DGKG: variants seen among roughly 807,000 people sequenced by gnomAD.
DGKG encodes diacylglycerol kinase gamma, also known as DAG kinase gamma.
Under a neutral mutation model 105.3 loss-of-function variants are expected in DGKG, and 78 were observed. The ratio of observed to expected loss-of-function variants is 0.74; its 90% CI spans 0.62 to 0.89. The LOEUF (loss-of-function observed/expected upper bound fraction) is 0.89, where lower values mean the gene tolerates loss of function less well. DGKG is among the 40% of genes least tolerant of loss of function. DGKG has a pLI of 0.00. For synonymous variants in DGKG, 346 were observed against 367.1 expected (o/e 0.94, Z 0.66); for missense variants, 958 against 1,020.1 (o/e 0.94, Z 0.83).
At chr3:186,259,380 CTG>C (rs1043656527) in intron 16 of DGKG, among the ~76,000 whole-genome samples, 1 of 152,222 alleles carries the variant, frequency 6.6e-6, no homozygotes, top group African/African-American at 2.4e-5. Flanking sequence ...ATCACGGTGA[CTG>C]TGATGGCAAC....
chr3:186,272,568 A>G (rs1169834203), intron 10 of DGKG, among the ~76,000 whole-genome samples: 2 of 152,186 alleles, frequency 1.3e-5, no homozygotes, highest in African/African-American at 4.8e-5. Context: ...CACCTGCTTC[A>G]CTGCCTTCCT....
intron 2 of DGKG, among the ~76,000 whole-genome samples, chr3:186,318,037 C>T (rs569078599): frequency 7.2e-5 from 11 of 152,300 alleles, no homozygotes; most frequent in Admixed American, 7.2e-4. Flanking sequence ...CAGTTTCCCA[C>T]GAATTAGCAT....
chr3:186,328,741 A>T (rs1008752059), intron 1 of DGKG, among the ~76,000 whole-genome samples: 13 of 151,398 alleles, frequency 8.6e-5, no homozygotes, highest in Non-Finnish European at 1.8e-4. Context: ...ACGCCCGGCT[A>T]ATTTTTGTAT....
At chr3:186,235,123 T>C (rs1720353237) in intron 20 of DGKG, among the ~76,000 whole-genome samples, 2 of 152,326 alleles carry the variant, frequency 1.3e-5, no homozygotes, top group Admixed American at 6.5e-5. Context: ...GGACAAAACA[T>C]TTTTGTGGCT....
chr3:186,299,843 T>TCTTTCTTTCTCTTTC (rs1424972244), intron 3 of DGKG, among the ~76,000 whole-genome samples: 1 of 130,170 alleles, frequency 7.7e-6, no homozygotes, highest in African/African-American at 2.8e-5. Flanking sequence ...CTTTCTTTTT[T>TCTTTCTTTCTCTTTC]TTTTTTTTTG....
intron 11 of DGKG, among the ~76,000 whole-genome samples, chr3:186,270,591 A>C (rs992356406): frequency 6.6e-6 from 1 of 152,242 alleles, no homozygotes; most frequent in Non-Finnish European, 1.5e-5. Context: ...CAGTTTGCCA[A>C]TTAATCTGTC....
intron 22 of DGKG, among the ~76,000 whole-genome samples, chr3:186,178,855 T>C (rs993559668): frequency 7.2e-5 from 11 of 152,236 alleles, no homozygotes; most frequent in Non-Finnish European, 1.5e-4. Flanking sequence ...ACGTTTGGAA[T>C]ACTAGGACTT....
At chr3:186,298,265 A>G (rs758592907) in intron 3 of DGKG, 36 bp from the exon 4 acceptor site, 23 of 1,542,666 alleles carry the variant, frequency 1.5e-5, no homozygotes, top group African/African-American at 2.8e-5. Context: ...CAGTGGAGAG[A>G]AGCAAAGGGA....
In DGKG at chr3:186,190,868, G is replaced by C. The variant is rs538829853; in HGVS notation, c.1918-2489C>G. Among the ~76,000 whole-genome samples, 52 of 152,252 alleles carry C rather than the reference G, an allele frequency of 3.4e-4. No individual in the cohort carries two copies. The South Asian group carries it at 1.0e-2, about 29-fold the overall frequency. On this transcript the variant is annotated intron_variant, in intron 21 of 24. Coordinates refer to ENST00000265022, the MANE Select transcript of DGKG (RefSeq NM_001346.3). ...AAAACAGTGACCGAGCACTCTCCTT[G>C]GTCAGTTTAACACCAAACATTATGC... is the stretch of plus-strand genomic sequence containing the variant.
At chr3:186,252,017 T>C (rs1346048822) in intron 18 of DGKG, 98 bp from the exon 19 acceptor site, 34 of 1,194,264 alleles carry the variant, frequency 2.8e-5, no homozygotes, top group Non-Finnish European at 3.8e-5. Flanking sequence ...AGGGCATCTG[T>C]GACTATGGGA....
intron 3 of DGKG, among the ~76,000 whole-genome samples, chr3:186,299,810 T>C (rs192423883): frequency 9.6e-4 from 98 of 102,202 alleles, no homozygotes; most frequent in African/African-American, 3.7e-3. Flanking sequence ...TCTTTCTTTC[T>C]TTCTTTCTTT....
intron 23 of DGKG, 90 bp downstream of exon 23, chr3:186,164,808 C>G (rs533835282): frequency 1.4e-6 from 2 of 1,465,924 alleles, no homozygotes; most frequent in East Asian, 4.6e-5. Flanking sequence ...TCTCCCTGCC[C>G]TAAAATCCAA....
At position 186,148,970 on chromosome 3, in the gene DGKG, T is replaced by TA. The variant is rs1420229156; in HGVS notation, c.*1119dup. The TA allele has an allele frequency of 2.8e-6, 2 of 722,430 alleles. No individual in the cohort carries two copies. Among genetic ancestry groups the TA allele is most frequent in the South Asian group, 1.2e-4 (2 of 16,120 alleles). 44.8% of individuals were successfully genotyped at this position (722,430 alleles called of 1,614,324 possible). ...CAGTAAATAAATATTTATATATATA[T>TA]ATATATAAATATATAGGCTAAATAT... On this transcript the variant is annotated 3_prime_UTR_variant, in exon 25 of 25. Coordinates refer to ENST00000265022, the MANE Select transcript of DGKG (RefSeq NM_001346.3).
intron 14 of DGKG, among the ~76,000 whole-genome samples, chr3:186,264,629 G>A (rs1721956830): frequency 6.6e-6 from 1 of 152,146 alleles, no homozygotes; most frequent in South Asian, 2.1e-4. Context: ...CTGGGAGGTG[G>A]GCAGGGCAGG....
At position 186,264,228 on chromosome 3, in the gene DGKG, A is replaced by T. The variant is rs148705879; in HGVS notation, c.1269+1019T>A. On this transcript the variant is annotated intron_variant, in intron 14 of 24. Coordinates refer to ENST00000265022, the MANE Select transcript of DGKG (RefSeq NM_001346.3). ...GTCTAGAGCTTTCTCACATATTAAG[A>T]TTCTCCCCTCATTCGGCCTTATGTT... Among the ~76,000 whole-genome samples the T allele has an allele frequency of 6.9e-4, 104 of 151,692 alleles. 1 individual carries two copies. The highest frequency in any genetic ancestry group is 2.4e-3 in the African/African-American group (100 of 41,368).
chr3:186,342,629 C>T (rs1380623353), intron 1 of DGKG, among the ~76,000 whole-genome samples: 1 of 151,922 alleles, frequency 6.6e-6, no homozygotes, highest in Non-Finnish European at 1.5e-5. Flanking sequence ...CAGAAAGACC[C>T]TGCTTGGTGA....
At chr3:186,153,911 C>T (rs955720106) in intron 24 of DGKG, among the ~76,000 whole-genome samples, 2 of 152,024 alleles carry the variant, frequency 1.3e-5, no homozygotes, top group Non-Finnish European at 2.9e-5. Context: ...TCAAGACCAG[C>T]CTGGGGAACA....
intron 24 of DGKG, among the ~76,000 whole-genome samples, chr3:186,151,460 CA>C (rs1180282470): frequency 6.6e-6 from 1 of 151,802 alleles, no homozygotes; most frequent in East Asian, 1.9e-4. Context: ...CTGATGGGAA[CA>C]AGGAGGAAAG....
At position 186,148,928 on chromosome 3, in the gene DGKG, A is replaced by G; in HGVS notation, c.*1162T>C. On this transcript the variant is annotated 3_prime_UTR_variant, in exon 25 of 25. Coordinates refer to ENST00000265022, the MANE Select transcript of DGKG (RefSeq NM_001346.3). ...CATACTACCTATGTTTTTTTTTTCC[A>G]ATGAGGAAAAGTCCATCAGTAAATA... 1.0e-6 allele frequency: 1 copy of G among 961,558 alleles called. No homozygotes were observed. Among genetic ancestry groups the G allele is most frequent in the Non-Finnish European group, 1.2e-6 (1 of 811,174 alleles). 59.6% of individuals were successfully genotyped at this position (961,558 alleles called of 1,614,324 possible).
Sources: allele counts gnomAD v4.1 joint callset (sites outside exome capture counted in the v4.1 genomes callset), GRCh38; gene constraint gnomAD v4.1.1; transcripts MANE v1.5; gene names NCBI Gene and HGNC (gene_info 2026-07-23, HGNC 2026-07-21).